Variants in REV3L observed in about 807,000 individuals in gnomAD.
REV3L encodes the protein REV3 like, DNA directed polymerase zeta catalytic subunit.
A neutral mutation model predicts 299.4 loss-of-function variants in REV3L; 69 were observed. That is an observed-to-expected ratio of 0.23 (90% CI 0.19 to 0.28). The LOEUF (loss-of-function observed/expected upper bound fraction) is 0.28, where lower values mean the gene tolerates loss of function less well. Among genes scored for constraint, REV3L ranks in the 10% least tolerant of loss-of-function variants. REV3L has a pLI of 1.00. For missense variants in REV3L, 3,128 were observed against 3,693.8 expected, an observed-to-expected ratio of 0.85 and a Z score of 3.97; for synonymous variants, 1,238 against 1,271.4, an observed-to-expected ratio of 0.97 and a Z score of 0.56.
In REV3L at chr6:111,367,418, C is replaced by T. The variant is rs748551319; in HGVS notation, c.6370G>A (p.Val2124Ile). 1.7e-5 allele frequency: 27 copies of T among 1,611,518 alleles called. No individual in the cohort carries two copies. In the Middle Eastern group the frequency reaches 9.9e-4, roughly 59 times the overall value. Residue 2124 changes from valine to isoleucine, a missense_variant, in exon 14 of 32, where the codon GTA (valine) becomes ATA (isoleucine). Around this residue, in one of 9 missense-constraint regions of REV3L, gnomAD observed 2,409 missense variants for 2,611.8 expected, o/e 0.92. Transcript: ENST00000368802. The part of the protein sequence containing the change: ...YISYSSPDSP[V>I]IPPWQQPISP... ...ATTGGTTGTTGCCAAGGGGGAATTA[C>T]TGGAGAATCAGGGGAGCTATAACTA...
rs1562475970 is a variant in REV3L, at chr6:111,303,698, TGAC to T, written c.9253-3545_9253-3543del. ...TTTTTTTTTTTTTTTTAACAGACTA[TGAC>T]TTTTTTTTTTTTTTTTTTTTTTTTT... On this transcript the variant is annotated intron_variant, in intron 31 of 31. Coordinates refer to ENST00000368802, the MANE Select transcript of REV3L (RefSeq NM_001372078.1). Among the ~76,000 whole-genome samples the T allele has an allele frequency of 5.0e-3, 203 of 40,748 alleles. 43 individuals are homozygous for T. The highest frequency in any genetic ancestry group is 0.011 in the East Asian group (12 of 1,054). 26.7% of individuals were successfully genotyped at this position (40,748 alleles called of 152,430 possible).
Position 111,375,145 on chromosome 6 carries a change from A to G in REV3L, c.3210T>C (p.Ile1070=). ...TTTTCCTGAAAGACAAAGTTCTTTT[A>G]ATATTTTCATTATTTGTCCTTTGTT... is the stretch of plus-strand genomic sequence containing the variant. ...GKQQRTNNEN[I]KRTLSFRKKR... is the part of the protein sequence containing the mutation. Residue 1070 remains isoleucine, a synonymous_variant, in exon 13 of 32, where the codon ATT becomes ATC. Coordinates refer to ENST00000368802, the MANE Select transcript of REV3L (RefSeq NM_001372078.1). 6.2e-7 allele frequency: 1 copy of G among 1,608,064 alleles called. No homozygotes were observed. The highest frequency in any genetic ancestry group is 8.5e-7 in the Non-Finnish European group (1 of 1,178,424).
intron 15 of REV3L, 30 bp downstream of exon 15, chr6:111,365,235 C>A (rs1416625081): frequency 2.4e-6 from 3 of 1,269,896 alleles, no homozygotes; most frequent in Non-Finnish European, 3.3e-6. Flanking sequence ...GGCTCTTCCA[C>A]TGATCTTTAA....
In REV3L at chr6:111,464,957, G is replaced by A. The variant is rs142729344; in HGVS notation, c.139+17793C>T. On this transcript the variant is annotated intron_variant, in intron 1 of 31. Transcript: ENST00000368802. ...ACGGAGGCTGCAGTGAGCCACGATC[G>A]CACCACTGCACTCCAGCCTGGGTGA... Among the ~76,000 whole-genome samples, 7 of 151,820 alleles carry A rather than the reference G, an allele frequency of 4.6e-5. 1 individual carries two copies. The highest frequency in any genetic ancestry group is 2.0e-4 in the Admixed American group (3 of 15,254).
intron 26 of REV3L, among the ~76,000 whole-genome samples, chr6:111,321,823 T>C (rs890421209): frequency 7.9e-5 from 12 of 152,362 alleles, no homozygotes; most frequent in African/African-American, 2.9e-4. Context: ...ATGATCACAC[T>C]GTGACTCTAC....
chr6:111,382,088 A>G (rs769575662), intron 9 of REV3L, among the ~76,000 whole-genome samples: 38 of 152,154 alleles, frequency 2.5e-4, no homozygotes, highest in Admixed American at 5.9e-4. Flanking sequence ...TTACATTAAT[A>G]TTTTTCAGAA....
chr6:111,349,130 G>T (rs1434155352), intron 20 of REV3L, 88 bp downstream of exon 20: 3 of 698,954 alleles, frequency 4.3e-6, no homozygotes, highest in Non-Finnish European at 7.3e-6. Flanking sequence ...AAGCTATATA[G>T]TAAATCTTAC....
intron 17 of REV3L, among the ~76,000 whole-genome samples, chr6:111,357,983 C>G (rs1582666661): frequency 6.6e-6 from 1 of 151,312 alleles, no homozygotes; most frequent in Non-Finnish European, 1.5e-5. Context: ...GGCTTGTGAG[C>G]TGGTATGTGT....
At chr6:111,360,814 G>A (rs894968766) in intron 16 of REV3L, 1 of 151,682 alleles carries the variant, frequency 6.6e-6, no homozygotes, top group Non-Finnish European at 1.5e-5. Flanking sequence ...CATCAATTAT[G>A]CATGTATAAG....
chr6:111,457,723 T>C (rs1405755096), intron 1 of REV3L, among the ~76,000 whole-genome samples: 7 of 151,580 alleles, frequency 4.6e-5, no homozygotes, highest in Non-Finnish European at 1.5e-5. Flanking sequence ...AATTATTAAA[T>C]GGCCCATATA....
intron 1 of REV3L, among the ~76,000 whole-genome samples, chr6:111,448,778 A>G (rs1035858644): frequency 7.3e-6 from 1 of 137,082 alleles, no homozygotes; most frequent in African/African-American, 2.6e-5. Context: ...ACACCACCAC[A>G]CTTGGCTATT....
intron 22 of REV3L, among the ~76,000 whole-genome samples, chr6:111,334,656 G>A (rs550569556): frequency 5.3e-5 from 8 of 152,178 alleles, no homozygotes; most frequent in African/African-American, 1.9e-4. Flanking sequence ...ATTCTCATGA[G>A]GTTTTAAGGT....
At chr6:111,411,985 C>T (rs1784297827) in intron 2 of REV3L, 1 of 985,266 alleles carries the variant, frequency 1.0e-6, no homozygotes, top group Admixed American at 6.1e-5. Flanking sequence ...CTTCTTCTGG[C>T]TCCCATTTTT....
intron 1 of REV3L, among the ~76,000 whole-genome samples, chr6:111,436,072 A>T (rs1056087921): frequency 1.2e-4 from 19 of 152,214 alleles, no homozygotes; most frequent in African/African-American, 4.1e-4. Context: ...ATCACTAACC[A>T]TCAGAGAAAT....
rs1162331088 is a variant in REV3L at position 111,363,884 on chromosome 6, TGTA to T, written c.6845_6847del (p.Ile2282_Gln2283delinsLys). 1 of 1,613,590 alleles carries T rather than the reference TGTA, an allele frequency of 6.2e-7. No homozygotes were observed. Among genetic ancestry groups the T allele is most frequent in the Non-Finnish European group, 8.5e-7 (1 of 1,179,738 alleles). On this transcript the variant is annotated inframe_deletion, in exon 16 of 32. Coordinates refer to ENST00000368802, the MANE Select transcript of REV3L (RefSeq NM_001372078.1). ...TAAAGCTTTTGCCTCCTGTAAGTTT[TGTA>T]TGCTGACTTTGAAACCGTAAGTATT...
intron 1 of REV3L, among the ~76,000 whole-genome samples, chr6:111,482,243 G>A (rs1793799855): frequency 6.6e-6 from 1 of 152,188 alleles, no homozygotes; most frequent in African/African-American, 2.4e-5. Flanking sequence ...TCCGGAACTG[G>A]CAGAGGAGAG....
chr6:111,479,570 C>T (rs1336504906), intron 1 of REV3L, among the ~76,000 whole-genome samples: 2 of 139,060 alleles, frequency 1.4e-5, no homozygotes, highest in East Asian at 2.4e-4. Context: ...AGTGCAGTGG[C>T]GTGATCTTGG....
intron 4 of REV3L, 22 bp downstream of exon 4, chr6:111,405,448 T>G: frequency 1.9e-6 from 3 of 1,568,672 alleles, no homozygotes; most frequent in Non-Finnish European, 2.6e-6. Flanking sequence ...AAAAATTTAA[T>G]TTGACTGAAA....
rs1779352282 is a variant in REV3L at position 111,367,570 on chromosome 6, G to T, written c.6218C>A (p.Ser2073Tyr). 1.2e-6 allele frequency: 2 copies of T among 1,613,946 alleles called. No individual in the cohort carries two copies. The highest frequency in any genetic ancestry group is 1.7e-5 in the Admixed American group (1 of 60,014). The change falls in exon 14 of 32, where the codon TCT becomes TAT. Residue 2073 changes from serine to tyrosine, a missense_variant. Around this residue, in one of 9 missense-constraint regions of REV3L, gnomAD observed 2,409 missense variants for 2,611.8 expected, o/e 0.92. Transcript: ENST00000368802. The part of the protein sequence containing the change: ...TAHTKEDVDN[S>Y]QIALQAPTTG... ...GGTTGGTGCTTGTAAAGCAATCTGA[G>T]AATTATCAACATCCTCCTTGGTATG...
Sources: gnomAD v4.1 joint callset for allele counts (sites outside exome capture counted in the v4.1 genomes callset) on GRCh38, gnomAD v4.1.1 for gene constraint, gnomAD v4.1.1 regional missense constraint, MANE v1.5 for transcripts, NCBI Gene and HGNC (gene_info 2026-07-23, HGNC 2026-07-21) for gene names.